Variants in STOX2 observed in about 807,000 individuals in gnomAD.
The protein encoded by STOX2 is storkhead box 2, also known as storkhead-box protein 2.
STOX2 carries 28 observed loss-of-function variants against 60.9 expected under a neutral mutation model. That is an observed-to-expected ratio of 0.46 (90% CI 0.34 to 0.63). STOX2 has a LOEUF of 0.63. STOX2 is among the 30% of genes least tolerant of loss of function. The probability of loss-of-function intolerance (pLI) is 0.01; values close to 1 mark genes in which losing one functional copy is unlikely to be tolerated. For missense variants in STOX2, 1,024 were observed against 1,187.7 expected, an observed-to-expected ratio of 0.86 and a Z score of 2.03; for synonymous variants, 472 against 463.9, an observed-to-expected ratio of 1.02 and a Z score of -0.22.
intron 1 of STOX2, among the ~76,000 whole-genome samples, chr4:183,922,385 C>T (rs1160418536): frequency 6.7e-5 from 10 of 148,182 alleles, no homozygotes; most frequent in Admixed American, 3.4e-4. Flanking sequence ...CTCGCTCTGT[C>T]GCCCAGGCTA....
chr4:183,984,327 T>G (rs982746300), intron 1 of STOX2, among the ~76,000 whole-genome samples: 2 of 152,196 alleles, frequency 1.3e-5, no homozygotes, highest in African/African-American at 4.8e-5. Context: ...TTCTTCAAAA[T>G]TCTTGGGGGC....
At chr4:183,885,061 C>A (rs1741050015) in intron 1 of STOX2, among the ~76,000 whole-genome samples, 1 of 152,170 alleles carries the variant, frequency 6.6e-6, no homozygotes, top group Non-Finnish European at 1.5e-5. Flanking sequence ...CTAGGTCAGA[C>A]TGACTTCCAG....
rs1325507403 is a variant in STOX2, at chr4:184,010,763, A to G, written c.1925A>G (p.Gln642Arg). 1 of 1,583,144 alleles carries G rather than the reference A, an allele frequency of 6.3e-7. No individual in the cohort carries two copies. Among genetic ancestry groups the G allele is most frequent in the South Asian group, 1.2e-5 (1 of 84,454 alleles). Residue 642 changes from glutamine (Q) to arginine (R), a missense_variant, in exon 3 of 4, where the codon CAG becomes CGG. Gln to Arg is a conservative substitution (Grantham distance 43). Around this residue, in one of 3 missense-constraint regions of STOX2, gnomAD observed 922 missense variants for 1,058.3 expected, o/e 0.87. Coordinates refer to ENST00000308497, the MANE Select transcript of STOX2 (RefSeq NM_020225.3). The surrounding 1 kb of genome is among the most constrained non-coding windows in gnomAD (Gnocchi z 4.5). The part of the protein sequence containing the change: ...GVKKLSPSDR[Q>R]VPHSSREPVG... ...AAAAAGCTCTCCCCTTCTGATAGGC[A>G]GGTCCCCCACTCCTCCAGGGAGCCT... is the stretch of plus-strand genomic sequence containing the variant.
intron 1 of STOX2, among the ~76,000 whole-genome samples, chr4:183,935,849 A>C (rs1742575421): frequency 6.6e-6 from 1 of 152,192 alleles, no homozygotes; most frequent in Admixed American, 6.5e-5. Flanking sequence ...TTTGCATTTC[A>C]AGAGGAGGGA....
At chr4:183,813,421 A>C (rs968105053) in intron 1 of STOX2, among the ~76,000 whole-genome samples, 1 of 152,156 alleles carries the variant, frequency 6.6e-6, no homozygotes, top group Admixed American at 6.5e-5. Flanking sequence ...TAGTCTAACA[A>C]CTATTTACAT....
At chr4:183,988,790 G>A (rs965184965) in intron 1 of STOX2, 8 of 152,662 alleles carry the variant, frequency 5.2e-5, no homozygotes, top group African/African-American at 1.9e-4. Context: ...TGCTACCTGG[G>A]GGATGGAGCC....
At chr4:183,970,661 G>A (rs565745429) in intron 1 of STOX2, among the ~76,000 whole-genome samples, 1 of 152,214 alleles carries the variant, frequency 6.6e-6, no homozygotes, top group Non-Finnish European at 1.5e-5. Context: ...TTTGGGCTGA[G>A]CCACCTTCTT....
chr4:183,911,792 T>C lies in STOX2; in HGVS notation c.166+4836T>C, dbSNP rs1482867517. ...GGTTATAACTAAAAGCAAAATCTGCTTGGACCCTTGCCAGTAGGTCCTATG... is the reference window on the plus strand; with the variant it reads ...GGTTATAACTAAAAGCAAAATCTGCCTGGACCCTTGCCAGTAGGTCCTATG... On this transcript the variant is annotated intron_variant, in intron 1 of 3. Transcript: ENST00000308497. Among the ~76,000 whole-genome samples, 3 of 152,202 alleles carry C rather than the reference T, an allele frequency of 2.0e-5. No homozygotes were observed. In the East Asian group the frequency reaches 5.8e-4, roughly 29 times the overall value.
intron 1 of STOX2, among the ~76,000 whole-genome samples, chr4:183,932,318 ATATG>A (rs1245081742): frequency 2.8e-5 from 1 of 35,856 alleles, no homozygotes; most frequent in Non-Finnish European, 1.6e-4. Context: ...TACATACAGT[ATATG>A]TATGTATACA....
intron 1 of STOX2, among the ~76,000 whole-genome samples, chr4:183,966,376 T>C (rs1743569621): frequency 6.6e-6 from 1 of 152,232 alleles, no homozygotes; most frequent in Non-Finnish European, 1.5e-5. Context: ...CACAGTGAGT[T>C]TCCCAAAGAG....
chr4:183,941,499 C>G (rs1045602309), intron 1 of STOX2, among the ~76,000 whole-genome samples: 1 of 152,164 alleles, frequency 6.6e-6, no homozygotes, highest in African/African-American at 2.4e-5. Context: ...ACACGGGAGG[C>G]AGAGGCTGCA....
At chr4:183,813,151 AG>A (rs1242746231) in intron 1 of STOX2, among the ~76,000 whole-genome samples, 3 of 152,146 alleles carry the variant, frequency 2.0e-5, no homozygotes, top group Non-Finnish European at 4.4e-5. Flanking sequence ...TGGGAAGCCG[AG>A]GGGGGCAGAT....
At chr4:183,852,150 A>G (rs1740160025) in intron 1 of STOX2, among the ~76,000 whole-genome samples, 1 of 146,480 alleles carries the variant, frequency 6.8e-6, no homozygotes, top group Non-Finnish European at 1.5e-5. Context: ...GGAAAGGATG[A>G]GAGAAAGGAT....
Position 184,011,616 on chromosome 4 carries a change from G to A in STOX2, c.2585+193G>A. 6.6e-7 allele frequency: 1 copy of A among 1,523,012 alleles called. No individual in the cohort carries two copies. The highest frequency in any genetic ancestry group is 1.2e-5 in the South Asian group (1 of 82,904). 94.3% of individuals were successfully genotyped at this position (1,523,012 alleles called of 1,614,324 possible). A position where few individuals can be genotyped will look rare whatever the true frequency, so the allele number is the denominator to read the frequency against. ...TGAAAAAAATGTTTCTGCACCTGTA[G>A]AGATCACCAATCTGGACTGGTGGGT... is the stretch of plus-strand genomic sequence containing the variant. On this transcript the variant is annotated intron_variant, in intron 3 of 3. Transcript: ENST00000308497. The surrounding 1 kb of genome is among the most constrained non-coding windows in gnomAD (Gnocchi z 4.4).
chr4:183,915,300 C>A (rs750179314), intron 1 of STOX2, among the ~76,000 whole-genome samples: 11 of 152,228 alleles, frequency 7.2e-5, no homozygotes, highest in Non-Finnish European at 1.3e-4. Context: ...CTGGTTGGTT[C>A]CCCTAAGAGA....
chr4:183,917,064 G>A (rs1035626776), intron 1 of STOX2, among the ~76,000 whole-genome samples: 3 of 152,368 alleles, frequency 2.0e-5, no homozygotes, highest in South Asian at 2.1e-4. Flanking sequence ...CGGGTCTGAC[G>A]TGGCTTTGTA....
intron 1 of STOX2, among the ~76,000 whole-genome samples, chr4:183,987,008 G>A (rs188268609): frequency 4.0e-4 from 61 of 152,286 alleles, no homozygotes; most frequent in Middle Eastern, 6.8e-3. Flanking sequence ...TGAGGATGTG[G>A]GAGAATTTGC....
At chr4:183,803,443 AACTT>A (rs1419984352) in intron 1 of STOX2, among the ~76,000 whole-genome samples, 10 of 152,246 alleles carry the variant, frequency 6.6e-5, no homozygotes, top group African/African-American at 2.2e-4. Flanking sequence ...ACAGTTCAAT[AACTT>A]ACTTAAGTCA....
At chr4:183,839,698 C>G (rs1453919980) in intron 1 of STOX2, among the ~76,000 whole-genome samples, 1 of 152,098 alleles carries the variant, frequency 6.6e-6, no homozygotes, top group Non-Finnish European at 1.5e-5. Context: ...ATTTCATGTT[C>G]TTTTTCGGAC....
Sources: gnomAD v4.1 joint callset for allele counts (sites outside exome capture counted in the v4.1 genomes callset) on GRCh38, gnomAD v4.1.1 for gene constraint, gnomAD v4.1.1 regional missense constraint, Gnocchi (gnomAD v3.1) non-coding constraint, MANE v1.5 for transcripts, NCBI Gene and HGNC (gene_info 2026-07-23, HGNC 2026-07-21) for gene names.